The following SLC15A1 variants were observed in gnomAD, a reference collection of about 807,000 sequenced individuals.
SLC15A1 encodes Caco-2 oligopeptide transporter.
Under a neutral mutation model 92.9 loss-of-function variants are expected in SLC15A1, and 83 were observed. The ratio of observed to expected loss-of-function variants is 0.89; its 90% CI spans 0.75 to 1.07. The LOEUF (loss-of-function observed/expected upper bound fraction) is 1.07. Among genes scored for constraint, SLC15A1 ranks in the 50% least tolerant of loss-of-function variants. The pLI, the probability that SLC15A1 is intolerant of heterozygous loss-of-function variation, is 0.00. For synonymous variants in SLC15A1, 322 were observed against 318.2 expected (o/e 1.01, Z -0.13); for missense variants, 857 against 880.1 (o/e 0.97, Z 0.33).
intron 18 of SLC15A1, among the ~76,000 whole-genome samples, chr13:98,692,730 G>A (rs1052505374): frequency 6.6e-6 from 1 of 152,034 alleles, no homozygotes; most frequent in Non-Finnish European, 1.5e-5. Context: ...AATGAATAAG[G>A]GTACTAATTT....
chr13:98,740,654 C>G (rs1306393752), intron 1 of SLC15A1, among the ~76,000 whole-genome samples: 2 of 152,190 alleles, frequency 1.3e-5, no homozygotes, highest in Non-Finnish European at 2.9e-5. Context: ...AAAAACGTCA[C>G]AGAGCCTCCT....
At position 98,702,465 on chromosome 13, in the gene SLC15A1, A is replaced by G. The variant is rs1373486782; in HGVS notation, c.1466+15T>C. 7 of 1,584,142 alleles carry G rather than the reference A, an allele frequency of 4.4e-6. No homozygotes were observed. Among genetic ancestry groups the G allele is most frequent in the Non-Finnish European group, 6.1e-6 (7 of 1,153,390 alleles). On this transcript the variant is annotated intron_variant, in intron 18 of 22. Transcript: ENST00000376503. ...AGAATCTGATAAAACTTAAATTTTAAAGAAATATACATACCTGATTCCATT... is the reference window on the plus strand; with the variant it reads ...AGAATCTGATAAAACTTAAATTTTAGAGAAATATACATACCTGATTCCATT...
chr13:98,728,539 G>T (rs2088320733), intron 1 of SLC15A1, among the ~76,000 whole-genome samples: 1 of 152,126 alleles, frequency 6.6e-6, no homozygotes, highest in South Asian at 2.1e-4. Context: ...TGGGTAGAAT[G>T]GTGGTTACCA....
At chr13:98,748,459 A>T (rs2088513975) in intron 1 of SLC15A1, among the ~76,000 whole-genome samples, 1 of 151,770 alleles carries the variant, frequency 6.6e-6, no homozygotes, top group African/African-American at 2.4e-5. Flanking sequence ...CCCAGCTAAT[A>T]TTTTTGTATT....
At chr13:98,738,778 G>T (rs1210049315) in intron 1 of SLC15A1, among the ~76,000 whole-genome samples, 1 of 152,258 alleles carries the variant, frequency 6.6e-6, no homozygotes, top group Non-Finnish European at 1.5e-5. Flanking sequence ...GAAAGGTGGG[G>T]TTGGAGCCCC....
chr13:98,725,785 T>C (rs2088293615), intron 4 of SLC15A1, among the ~76,000 whole-genome samples: 1 of 152,168 alleles, frequency 6.6e-6, no homozygotes, highest in Non-Finnish European at 1.5e-5. Context: ...GGTGCAGTGA[T>C]GTGATCACAG....
chr13:98,684,599 C>A lies in SLC15A1; in HGVS notation c.*125G>T. 1.0e-5 allele frequency: 5 copies of A among 493,824 alleles called. No individual in the cohort carries two copies. The highest frequency in any genetic ancestry group is 4.4e-5 in the South Asian group (1 of 22,538). 30.6% of individuals were successfully genotyped at this position (493,824 alleles called of 1,614,324 possible). A position where few individuals can be genotyped will look rare whatever the true frequency, so the allele number is the denominator to read the frequency against. On this transcript the variant is annotated 3_prime_UTR_variant, in exon 23 of 23. Transcript: ENST00000376503. Reference sequence around the variant, plus strand: ...GAAAAAGAAAAAAGAAAATAGCATTCATGGTTTAGTTCCCAATTCTGAAGT... The same window carrying A: ...GAAAAAGAAAAAAGAAAATAGCATTAATGGTTTAGTTCCCAATTCTGAAGT...
intron 1 of SLC15A1, among the ~76,000 whole-genome samples, chr13:98,733,583 C>CCA (rs2088366657): frequency 6.6e-6 from 1 of 152,158 alleles, no homozygotes; most frequent in Non-Finnish European, 1.5e-5. Context: ...CCCAGGAAGC[C>CCA]AATGGTCCCT....
Position 98,712,556 on chromosome 13 carries a change from C to T in SLC15A1, c.752G>A (p.Arg251Gln), listed in dbSNP as rs74889332. 44 of 1,608,294 alleles carry T rather than the reference C, an allele frequency of 2.7e-5. 1 individual carries two copies. In the East Asian group the frequency reaches 5.4e-4, roughly 20 times the overall value. Residue 251 changes from arginine (R) to glutamine (Q), a missense_variant, in exon 10 of 23, where the codon CGG (arginine) becomes CAG (glutamine). By Grantham distance (43) the Arg-to-Gln change is conservative. Coordinates refer to ENST00000376503, the MANE Select transcript of SLC15A1 (RefSeq NM_005073.4). ...GFAIKNRFRHRSKAFPKREHW... is the reference protein window; with the variant it reads ...GFAIKNRFRHQSKAFPKREHW... ...CTCCCTCTTGGGAAATGCCTTACTC[C>T]GATGCCTAAATCTATTTTTGATGGC...
chr13:98,692,668 T>G (rs2087989819), intron 18 of SLC15A1, among the ~76,000 whole-genome samples: 1 of 152,230 alleles, frequency 6.6e-6, no homozygotes, highest in African/African-American at 2.4e-5. Flanking sequence ...TGTTTAACAT[T>G]TCAAAGAACT....
At chr13:98,701,262 A>G (rs2088064488) in intron 18 of SLC15A1, among the ~76,000 whole-genome samples, 1 of 152,184 alleles carries the variant, frequency 6.6e-6, no homozygotes, top group African/African-American at 2.4e-5. Flanking sequence ...TGTTAGATTT[A>G]TATCTAAGTA....
chr13:98,711,837 G>A lies in SLC15A1; in HGVS notation c.900+17C>T, dbSNP rs202143952. The A allele has an allele frequency of 3.1e-6, 5 of 1,594,100 alleles. No homozygotes were observed. Among genetic ancestry groups the A allele is most frequent in the African/African-American group, 2.7e-5 (2 of 74,666 alleles). On this transcript the variant is annotated intron_variant, in intron 11 of 22. Coordinates refer to ENST00000376503, the MANE Select transcript of SLC15A1 (RefSeq NM_005073.4). Reference sequence around the variant, plus strand: ...GCTTGCTCCGTGAAGAAGAGCACAAGCAGAGTTTCACATTACCTGCTGGTC... The same window carrying A: ...GCTTGCTCCGTGAAGAAGAGCACAAACAGAGTTTCACATTACCTGCTGGTC...
chr13:98,704,884 A>G (rs2088099309), intron 16 of SLC15A1, among the ~76,000 whole-genome samples: 2 of 152,102 alleles, frequency 1.3e-5, no homozygotes, highest in South Asian at 4.1e-4. Flanking sequence ...AACAGGAACG[A>G]GACTGGCTAA....
chr13:98,710,730 C>G (rs1485441481), intron 11 of SLC15A1, among the ~76,000 whole-genome samples: 1 of 137,088 alleles, frequency 7.3e-6, no homozygotes, highest in Non-Finnish European at 1.5e-5. Context: ...ATCGCTTGAA[C>G]TTGGGAAGTG....
intron 1 of SLC15A1, among the ~76,000 whole-genome samples, chr13:98,738,208 A>G (rs2088410413): frequency 6.6e-6 from 1 of 152,208 alleles, no homozygotes; most frequent in African/African-American, 2.4e-5. Context: ...AAGGGGAAGT[A>G]GAGTGTAAAA....
At chr13:98,685,664 C>G (rs2087923090) in intron 22 of SLC15A1, among the ~76,000 whole-genome samples, 1 of 152,168 alleles carries the variant, frequency 6.6e-6, no homozygotes, top group South Asian at 2.1e-4. Flanking sequence ...TTTTGGTTGT[C>G]AATTTCCAGC....
intron 1 of SLC15A1, among the ~76,000 whole-genome samples, chr13:98,738,980 GCCCTGGCACCC>G (rs1353353994): frequency 6.6e-6 from 1 of 152,238 alleles, no homozygotes; most frequent in Non-Finnish European, 1.5e-5. Context: ...GCTGCCCAAA[GCCCTGGCACCC>G]CACTTCTTGG....
In SLC15A1 at chr13:98,723,945, T is replaced by C. The variant is rs769193109; in HGVS notation, c.332A>G (p.His111Arg). The C allele has an allele frequency of 9.9e-6, 16 of 1,614,074 alleles. No homozygotes were observed. The highest frequency in any genetic ancestry group is 1.4e-5 in the Non-Finnish European group (16 of 1,180,032). Residue 111 changes from histidine (H) to arginine (R), a missense_variant, in exon 5 of 23, where the codon CAT (histidine) becomes CGT (arginine). His to Arg is a conservative substitution (Grantham distance 29). Transcript: ENST00000376503. ...AGGAAGGCTGTCGGGGGTGCCATCA[T>C]GGTTGTGGTCTGTGAGGTCATTAAT... ...SSINDLTDHN[H>R]DGTPDSLPVH...
intron 1 of SLC15A1, among the ~76,000 whole-genome samples, chr13:98,736,176 G>A (rs917646389): frequency 1.3e-5 from 2 of 152,200 alleles, no homozygotes; most frequent in African/African-American, 2.4e-5. Context: ...AGAGCCCTCA[G>A]TAATAACACC....
Sources: allele counts gnomAD v4.1 joint callset (sites outside exome capture counted in the v4.1 genomes callset), GRCh38; gene constraint gnomAD v4.1.1; transcripts MANE v1.5; gene names NCBI Gene and HGNC (gene_info 2026-07-23, HGNC 2026-07-21).